SLC8A1: variants seen among roughly 807,000 people sequenced by gnomAD.
SLC8A1 encodes the protein sodium/calcium exchanger 1.
SLC8A1 carries 18 observed loss-of-function variants against 68.3 expected under a neutral mutation model. The observed-to-expected ratio is 0.26, with a 90% CI of 0.18 to 0.39. The LOEUF is 0.39. Among genes scored for constraint, SLC8A1 ranks in the 10% least tolerant of loss-of-function variants. SLC8A1 has a pLI of 1.00. For missense variants in SLC8A1, 985 were observed against 1,156.7 expected (o/e 0.85, Z 2.15); for synonymous variants, 475 against 415.5 (o/e 1.14, Z -1.74).
At chr2:40,486,698 T>G (rs1401900982) in intron 1 of SLC8A1, among the ~76,000 whole-genome samples, 1 of 151,794 alleles carries the variant, frequency 6.6e-6, no homozygotes, top group Non-Finnish European at 1.5e-5. Flanking sequence ...ATTAGTAGTA[T>G]CTTAATATGT....
At chr2:40,307,832 T>C (rs1227781372) in intron 2 of SLC8A1, among the ~76,000 whole-genome samples, 1 of 152,158 alleles carries the variant, frequency 6.6e-6, no homozygotes. Context: ...GGGAAATGGA[T>C]AGTTAGTACT....
At chr2:40,464,795 A>G (rs1249921420) in intron 1 of SLC8A1, among the ~76,000 whole-genome samples, 2 of 152,162 alleles carry the variant, frequency 1.3e-5, no homozygotes, top group African/African-American at 4.8e-5. Context: ...TATAAGAATA[A>G]TCTGGTCACA....
intron 7 of SLC8A1, among the ~76,000 whole-genome samples, chr2:40,135,285 T>G (rs2040275816): frequency 6.6e-6 from 1 of 152,152 alleles, no homozygotes; most frequent in South Asian, 2.1e-4. Context: ...CCGCTTAAGA[T>G]GATCTCTAGC....
exon 8 of SLC8A1, chr2:40,101,000 CAT>C (rs1211860870): frequency 6.6e-6 from 1 of 152,134 alleles, no homozygotes; most frequent in African/African-American, 2.4e-5. Context: ...TATCAAAATG[CAT>C]ATGAGTATTT....
At chr2:40,267,836 T>C (rs1350086818) in intron 2 of SLC8A1, among the ~76,000 whole-genome samples, 1 of 152,126 alleles carries the variant, frequency 6.6e-6, no homozygotes. Flanking sequence ...CAAGGAACTG[T>C]TTTGCAGAGA....
chr2:40,269,427 A>G (rs1309103328), intron 2 of SLC8A1, among the ~76,000 whole-genome samples: 1 of 152,202 alleles, frequency 6.6e-6, no homozygotes, highest in East Asian at 1.9e-4. Flanking sequence ...CTTAGAAAAA[A>G]ATTAAAAATT....
exon 8 of SLC8A1, chr2:40,111,236 C>T (rs977753424): frequency 5.9e-5 from 9 of 152,106 alleles, no homozygotes; most frequent in African/African-American, 1.9e-4. Flanking sequence ...TTGTAAGAAA[C>T]TGATAATTAT....
chr2:40,313,194 TG>T (rs2149313272), intron 2 of SLC8A1, among the ~76,000 whole-genome samples: 1 of 152,180 alleles, frequency 6.6e-6, no homozygotes, highest in East Asian at 1.9e-4. Context: ...TTATGTACTT[TG>T]GGGAGGGGAA....
At chr2:40,477,526 A>G (rs1449674233) in intron 1 of SLC8A1, among the ~76,000 whole-genome samples, 1 of 152,174 alleles carries the variant, frequency 6.6e-6, no homozygotes, top group East Asian at 1.9e-4. Flanking sequence ...GCACCACCCA[A>G]ATGCCAAAGA....
intron 2 of SLC8A1, among the ~76,000 whole-genome samples, chr2:40,273,694 A>G (rs912293342): frequency 2.0e-5 from 3 of 152,172 alleles, no homozygotes; most frequent in Admixed American, 6.5e-5. Flanking sequence ...ATTAACTAAA[A>G]TAAGGTTGTT....
At position 40,174,732 on chromosome 2, in the gene SLC8A1, G is replaced by A. The variant is rs1006341941; in HGVS notation, c.1930+93C>T. On this transcript the variant is annotated intron_variant, in intron 4 of 7. Transcript: ENST00000406785. The stretch of plus-strand genomic sequence containing the variant: ...AAACAGGTATTTTCCTTCATTAAAA[G>A]CAAATAAAAATGAGAAATTTTTTTT... 6 of 1,550,708 alleles carry A rather than the reference G, an allele frequency of 3.9e-6. No individual in the cohort carries two copies. The highest frequency in any genetic ancestry group is 1.2e-5 in the South Asian group (1 of 86,358).
intron 2 of SLC8A1, among the ~76,000 whole-genome samples, chr2:40,302,094 G>A (rs551533442): frequency 2.3e-4 from 30 of 131,486 alleles, no homozygotes; most frequent in African/African-American, 7.2e-4. Context: ...AAGGGGTTTC[G>A]CCGTGATGGC....
chr2:40,250,952 A>C (rs1368482516), intron 2 of SLC8A1: 1 of 152,152 alleles, frequency 6.6e-6, no homozygotes, highest in Admixed American at 6.5e-5. Context: ...GGTGGCCCCA[A>C]ACTCCCACCA....
At chr2:40,175,879 A>G (rs2048379995) in intron 3 of SLC8A1, 1 of 362,170 alleles carries the variant, frequency 2.8e-6, no homozygotes, top group Non-Finnish European at 5.5e-6. Flanking sequence ...TTGTCCACCA[A>G]GAATTGCTTA....
intron 2 of SLC8A1, among the ~76,000 whole-genome samples, chr2:40,284,130 C>T (rs1385723323): frequency 2.0e-5 from 3 of 151,880 alleles, no homozygotes; most frequent in Non-Finnish European, 2.9e-5. Flanking sequence ...ACATTGTTTC[C>T]ATTTTCTCCA....
chr2:40,452,907 A>G (rs1042533038), upstream of SLC8A1, among the ~76,000 whole-genome samples: 7 of 152,108 alleles, frequency 4.6e-5, no homozygotes, highest in African/African-American at 1.7e-4. Context: ...TGAGGAGTAA[A>G]AGCCGAGCAT....
At position 40,151,827 on chromosome 2, in the gene SLC8A1, T is replaced by C. The variant is rs566686767; in HGVS notation, c.2161+8938A>G. Among the ~76,000 whole-genome samples the C allele has an allele frequency of 2.8e-4, 43 of 152,322 alleles. No homozygotes were observed. The East Asian group carries it at 8.1e-3, about 29-fold the overall frequency. ...TTTCTTTAAAGTTTAGTGAGTGGCA[T>C]TGTGAGGTTTTATAAAAGATAAAGT... On this transcript the variant is annotated intron_variant, in intron 6 of 7. Coordinates refer to ENST00000406785, the Ensembl canonical transcript of SLC8A1.
At chr2:40,168,571 A>C (rs972191414) in intron 4 of SLC8A1, among the ~76,000 whole-genome samples, 2 of 152,214 alleles carry the variant, frequency 1.3e-5, no homozygotes, top group African/African-American at 4.8e-5. Context: ...ATGAGAGCCA[A>C]GTCTAATTTT....
intron 2 of SLC8A1, among the ~76,000 whole-genome samples, chr2:40,242,498 T>C (rs893471969): frequency 1.3e-5 from 2 of 152,092 alleles, no homozygotes; most frequent in Non-Finnish European, 2.9e-5. Flanking sequence ...TAATTATAAA[T>C]CTCCATCCAC....
Sources: gnomAD v4.1 joint callset for allele counts (sites outside exome capture counted in the v4.1 genomes callset) on GRCh38, gnomAD v4.1.1 for gene constraint, MANE v1.5 for transcripts, NCBI Gene and HGNC (gene_info 2026-07-23, HGNC 2026-07-21) for gene names.